The following UPF2 variants were observed in gnomAD, a reference collection of about 807,000 sequenced individuals.
UPF2 encodes UPF2 regulator of nonsense mediated mRNA decay.
A neutral mutation model predicts 141.4 loss-of-function variants in UPF2; 17 were observed. The ratio of observed to expected loss-of-function variants is 0.12; its 90% CI spans 0.08 to 0.18. The LOEUF is 0.18. Among genes scored for constraint, UPF2 ranks in the 10% least tolerant of loss-of-function variants. The probability of loss-of-function intolerance (pLI) is 1.00; values close to 1 mark genes in which losing one functional copy is unlikely to be tolerated. For missense variants in UPF2, 1,152 were observed against 1,515.9 expected, an observed-to-expected ratio of 0.76 and a Z score of 3.99; for synonymous variants, 540 against 498.0, an observed-to-expected ratio of 1.08 and a Z score of -1.12.
Position 11,967,317 on chromosome 10 carries a change from ACAAT to A in UPF2, c.2067+20_2067+23del. ...AAAACTTTAAACTTTTCAATTAAAA[ACAAT>A]CAACTAATTCAGCACTAACCTTTAA... is the stretch of plus-strand genomic sequence containing the variant. On this transcript the variant is annotated intron_variant, in intron 10 of 21. Coordinates refer to ENST00000357604, the MANE Select transcript of UPF2 (RefSeq NM_015542.4). 7.6e-7 allele frequency: 1 copy of A among 1,315,314 alleles called. No individual in the cohort carries two copies. Among genetic ancestry groups the A allele is most frequent in the Non-Finnish European group, 1.0e-6 (1 of 973,844 alleles). The allele number at this position is 1,315,314 out of a possible 1,614,324, so 81.5% of individuals were successfully genotyped here.
At chr10:11,930,237 T>C (rs1308275436) in intron 20 of UPF2, among the ~76,000 whole-genome samples, 4 of 152,224 alleles carry the variant, frequency 2.6e-5, no homozygotes, top group East Asian at 3.8e-4. Context: ...TATGAGGCAG[T>C]AGAAAAGCCT....
chr10:11,962,967 T>C (rs1833263368), intron 11 of UPF2, among the ~76,000 whole-genome samples: 2 of 152,224 alleles, frequency 1.3e-5, no homozygotes, highest in South Asian at 4.1e-4. Flanking sequence ...TAAATCATAA[T>C]GTATTTTTTT....
chr10:11,997,203 C>T (rs1833877568), intron 8 of UPF2, among the ~76,000 whole-genome samples: 1 of 152,116 alleles, frequency 6.6e-6, no homozygotes, highest in Non-Finnish European at 1.5e-5. Flanking sequence ...ATTTCCAATT[C>T]TATCCAATGA....
intron 9 of UPF2, among the ~76,000 whole-genome samples, chr10:11,976,897 T>C (rs79861210): frequency 0.06 from 9,114 of 152,336 alleles, 371 homozygotes; most frequent in Non-Finnish European, 0.092. Context: ...AGAACAATCC[T>C]ATTTTAAAAG....
At chr10:11,995,372 T>C (rs1317535078) in intron 8 of UPF2, among the ~76,000 whole-genome samples, 1 of 152,222 alleles carries the variant, frequency 6.6e-6, no homozygotes, top group Non-Finnish European at 1.5e-5. Context: ...ATTACATATC[T>C]TGTTACCTAA....
chr10:11,968,366 T>C, intron 9 of UPF2, among the ~76,000 whole-genome samples: 1 of 152,186 alleles, frequency 6.6e-6, no homozygotes, highest in East Asian at 1.9e-4. Context: ...TCAATGTTTT[T>C]CAAATTTATT....
chr10:11,924,582 A>AC (rs1832687485), intron 21 of UPF2, among the ~76,000 whole-genome samples: 1 of 151,576 alleles, frequency 6.6e-6, no homozygotes, highest in African/African-American at 2.4e-5. Flanking sequence ...CGTCTCAAAA[A>AC]AAAAAATCTT....
rs544455522 is a variant in UPF2 at position 12,008,749 on chromosome 10, A to G, written c.1307-4022T>C. Among the ~76,000 whole-genome samples, 34 of 151,738 alleles carry G rather than the reference A, an allele frequency of 2.2e-4. No individual in the cohort carries two copies. In the East Asian group the frequency reaches 6.6e-3, roughly 29 times the overall value. ...GTGCAGGTGTGTTACATAGGTATACATGTTCCATGGTGGTTTGCTGCACTT... is the reference window on the plus strand; with the variant it reads ...GTGCAGGTGTGTTACATAGGTATACGTGTTCCATGGTGGTTTGCTGCACTT... On this transcript the variant is annotated intron_variant, in intron 4 of 21. Coordinates refer to ENST00000357604, the MANE Select transcript of UPF2 (RefSeq NM_015542.4).
chr10:11,950,817 C>CA (rs1174722903), intron 15 of UPF2, among the ~76,000 whole-genome samples: 1 of 152,146 alleles, frequency 6.6e-6, no homozygotes, highest in Non-Finnish European at 1.5e-5. Flanking sequence ...GTTCAAAGAA[C>CA]AAAAAGAATC....
rs534938878 is a variant in UPF2 at position 11,923,795 on chromosome 10, C to A, written c.3810-2488G>T. ...CAGAGGTTGCAGTGAGCCGAGATCC[C>A]GGCACTGCACTCCAGCCTGGGCAAC... is the stretch of plus-strand genomic sequence containing the variant. On this transcript the variant is annotated intron_variant, in intron 21 of 21. Transcript: ENST00000357604. Among the ~76,000 whole-genome samples, 170 of 152,090 alleles carry A rather than the reference C, an allele frequency of 1.1e-3. 1 individual carries two copies. Among genetic ancestry groups the A allele is most frequent in the African/African-American group, 3.9e-3 (162 of 41,468 alleles).
At chr10:11,928,068 G>C (rs1252360792) in intron 21 of UPF2, among the ~76,000 whole-genome samples, 1 of 152,212 alleles carries the variant, frequency 6.6e-6, no homozygotes, top group African/African-American at 2.4e-5. Context: ...AGAAGCCACT[G>C]TCCCTTTAAC....
chr10:11,933,451 C>T (rs1417040157), intron 19 of UPF2, among the ~76,000 whole-genome samples: 2 of 152,010 alleles, frequency 1.3e-5, no homozygotes, highest in Admixed American at 6.6e-5. Flanking sequence ...TTCATGTCTG[C>T]TAATATTTTT....
chr10:11,958,794 C>T lies in UPF2; in HGVS notation c.2370+377G>A, dbSNP rs143116826. On this transcript the variant is annotated intron_variant, in intron 12 of 21. Coordinates refer to ENST00000357604, the MANE Select transcript of UPF2 (RefSeq NM_015542.4). ...AAATAGCCAGAGACGTTCAAAATTA[C>T]GAAATTTCAGAGGGATCATGGGCCT... Among the ~76,000 whole-genome samples the T allele has an allele frequency of 7.2e-5, 11 of 152,184 alleles. No homozygotes were observed. In the East Asian group the frequency reaches 1.9e-3, roughly 27 times the overall value.
rs73571364 is a variant in UPF2 at position 11,956,749 on chromosome 10, A to C, written c.2371-226T>G. Among the ~76,000 whole-genome samples the C allele has an allele frequency of 2.2e-3, 331 of 152,290 alleles. No individual in the cohort carries two copies. The highest frequency in any genetic ancestry group is 7.6e-3 in the African/African-American group (316 of 41,560). The stretch of plus-strand genomic sequence containing the variant: ...TCCATAGTGCTCTCAAATTTTCTAG[A>C]GTTTTCAGGTCTTCAATCTAGGTGA... On this transcript the variant is annotated intron_variant, in intron 12 of 21. Transcript: ENST00000357604. The surrounding 1 kb of genome is among the most constrained non-coding windows in gnomAD (Gnocchi z 4.2).
chr10:11,954,582 T>A (rs1833118798), intron 14 of UPF2, among the ~76,000 whole-genome samples: 1 of 149,456 alleles, frequency 6.7e-6, no homozygotes, highest in Non-Finnish European at 1.5e-5. Context: ...TGCAGTGAGC[T>A]GAGATTGCAC....
intron 21 of UPF2, among the ~76,000 whole-genome samples, chr10:11,925,713 C>G (rs757908778): frequency 7.2e-5 from 11 of 152,224 alleles, no homozygotes; most frequent in Non-Finnish European, 1.5e-4. Flanking sequence ...CCCGAAGGAG[C>G]AGGAGTTCTC....
chr10:11,997,895 G>C (rs1436381152), intron 7 of UPF2, 138 bp from the exon 8 acceptor site: 2 of 822,854 alleles, frequency 2.4e-6, no homozygotes, highest in East Asian at 5.4e-5. Flanking sequence ...TTAGTATCAG[G>C]AAAGTTTTCT....
intron 8 of UPF2, among the ~76,000 whole-genome samples, chr10:11,993,776 C>T (rs1833821354): frequency 1.3e-5 from 2 of 151,830 alleles, no homozygotes; most frequent in South Asian, 4.1e-4. Context: ...GAGTTCAAGA[C>T]TAGCCTGGTC....
chr10:12,040,228 G>C (rs968850348), intron 1 of UPF2, among the ~76,000 whole-genome samples: 7 of 151,994 alleles, frequency 4.6e-5, no homozygotes, highest in African/African-American at 1.7e-4. Flanking sequence ...AAACCATCCT[G>C]GCCAACAACA....
Sources: allele counts gnomAD v4.1 joint callset (sites outside exome capture counted in the v4.1 genomes callset), GRCh38; gene constraint gnomAD v4.1.1; non-coding constraint Gnocchi (gnomAD v3.1); transcripts MANE v1.5; gene names NCBI Gene and HGNC (gene_info 2026-07-23, HGNC 2026-07-21).